SWT1: variants seen among roughly 807,000 people sequenced by gnomAD.
SWT1 encodes SWT1 RNA endoribonuclease homolog, also known as transcriptional protein SWT1.
SWT1 carries 33 observed loss-of-function variants against 107.3 expected under a neutral mutation model. That is an observed-to-expected ratio of 0.31 (90% CI 0.23 to 0.41). The LOEUF is 0.41. SWT1 is among the 10% of genes least tolerant of loss of function. SWT1 has a pLI of 1.00. For missense variants in SWT1, 898 were observed against 1,028.9 expected (o/e 0.87, Z 1.74); for synonymous variants, 345 against 348.3 (o/e 0.99, Z 0.11).
chr1:185,286,713 T>C (rs1239343044), intron 18 of SWT1, among the ~76,000 whole-genome samples: 1 of 152,182 alleles, frequency 6.6e-6, no homozygotes, highest in Non-Finnish European at 1.5e-5. Flanking sequence ...TAGCAGTTAT[T>C]TTGTGACTTC....
chr1:185,160,558 C>T (rs1454431102), intron 1 of SWT1, among the ~76,000 whole-genome samples: 2 of 151,826 alleles, frequency 1.3e-5, no homozygotes, highest in Non-Finnish European at 2.9e-5. Flanking sequence ...AAAAATTAGC[C>T]GGGCATGGTG....
chr1:185,213,214 C>T (rs1658963936), intron 13 of SWT1, among the ~76,000 whole-genome samples: 1 of 151,940 alleles, frequency 6.6e-6, no homozygotes. Flanking sequence ...GGAAAAGCAC[C>T]CTTAAAAGAA....
chr1:185,184,366 AG>A, intron 8 of SWT1, 22 bp downstream of exon 8: 1 of 1,352,666 alleles, frequency 7.4e-7, no homozygotes, highest in Non-Finnish European at 1.0e-6. Flanking sequence ...ACATATTTAA[AG>A]ATTCTGATTT....
At chr1:185,203,646 C>T (rs1658070654) in intron 11 of SWT1, among the ~76,000 whole-genome samples, 1 of 150,640 alleles carries the variant, frequency 6.6e-6, no homozygotes, top group Admixed American at 6.6e-5. Context: ...AAAGTAAGGA[C>T]AATACTATTA....
In SWT1 at chr1:185,269,373, GT is replaced by G. The variant is rs59417358; in HGVS notation, c.2442-1935del. On this transcript the variant is annotated intron_variant, in intron 16 of 18. Transcript: ENST00000367500. Reference sequence around the variant, plus strand: ...TTTTTTGGAGGGTTAAGAGGTTTTTGTTTTTTTTTTTTTTTGTATTTTAAAA... The same window carrying G: ...TTTTTTGGAGGGTTAAGAGGTTTTTGTTTTTTTTTTTTTTGTATTTTAAAA... Among the ~76,000 whole-genome samples, 396 of 125,286 alleles carry G rather than the reference GT, an allele frequency of 3.2e-3. 1 individual carries two copies. The highest frequency in any genetic ancestry group is 9.2e-3 in the African/African-American group (317 of 34,466). The allele number at this position is 125,286 out of a possible 152,430, so 82.2% of individuals were successfully genotyped here.
chr1:185,163,814 A>G (rs1158307778), intron 2 of SWT1, among the ~76,000 whole-genome samples: 1 of 152,206 alleles, frequency 6.6e-6, no homozygotes, highest in Non-Finnish European at 1.5e-5. Flanking sequence ...AAAGTCATTC[A>G]TGAGGTTTGG....
At chr1:185,229,463 T>A (rs1660340872) in intron 15 of SWT1, among the ~76,000 whole-genome samples, 1 of 152,080 alleles carries the variant, frequency 6.6e-6, no homozygotes, top group Non-Finnish European at 1.5e-5. Context: ...GAACTTTTAG[T>A]GTCCTCATCC....
intron 11 of SWT1, among the ~76,000 whole-genome samples, chr1:185,203,605 G>C (rs1658064641): frequency 6.9e-6 from 1 of 144,946 alleles, no homozygotes; most frequent in Admixed American, 6.9e-5. Context: ...TGGGCAACAA[G>C]AGCAAAACTC....
chr1:185,174,901 G>A lies in SWT1; in HGVS notation c.754G>A (p.Val252Ile). 1.2e-6 allele frequency: 2 copies of A among 1,613,946 alleles called. No individual in the cohort carries two copies. Among genetic ancestry groups the A allele is most frequent in the African/African-American group, 1.3e-5 (1 of 75,032 alleles). The change falls in exon 5 of 19, where the codon GTC (valine) becomes ATC (isoleucine). Residue 252 changes from valine to isoleucine, a missense_variant. Transcript: ENST00000367500. ...CCTCCAGAAACTTGTAGAAGAAAAT[G>A]TCTTCAACATAGATTCTAATAATTC... ...DTLQKLVEENVFNIDSNNSKT... is the reference protein window; with the variant it reads ...DTLQKLVEENIFNIDSNNSKT...
intron 10 of SWT1, among the ~76,000 whole-genome samples, chr1:185,197,331 TA>T (rs1300616699): frequency 6.6e-6 from 1 of 152,234 alleles, no homozygotes; most frequent in Non-Finnish European, 1.5e-5. Context: ...TCATGGTGGA[TA>T]AGCTTTTTGA....
intron 17 of SWT1, among the ~76,000 whole-genome samples, chr1:185,273,526 C>A (rs780847024): frequency 1.3e-5 from 2 of 151,892 alleles, no homozygotes; most frequent in Non-Finnish European, 2.9e-5. Context: ...CATAGTGAAA[C>A]CCCGTCTCTA....
intron 16 of SWT1, among the ~76,000 whole-genome samples, chr1:185,268,539 G>A (rs1377457191): frequency 1.3e-5 from 2 of 152,086 alleles, no homozygotes; most frequent in Non-Finnish European, 2.9e-5. Context: ...GTATCCAGGG[G>A]CCCAGGTCTC....
At chr1:185,246,621 A>C (rs1197206504) in intron 16 of SWT1, among the ~76,000 whole-genome samples, 1 of 95,100 alleles carries the variant, frequency 1.1e-5, no homozygotes, top group Non-Finnish European at 2.1e-5. Context: ...TATTTTGGAG[A>C]GCTTTTTTTT....
chr1:185,267,523 A>T (rs1271674317), intron 16 of SWT1, among the ~76,000 whole-genome samples: 2 of 152,224 alleles, frequency 1.3e-5, no homozygotes. Flanking sequence ...CTGCTTCAAC[A>T]TCTGTTCCCC....
chr1:185,212,664 G>A (rs752587572), intron 13 of SWT1, among the ~76,000 whole-genome samples: 7 of 152,008 alleles, frequency 4.6e-5, no homozygotes, highest in Admixed American at 2.0e-4. Flanking sequence ...ATAGCTGGGC[G>A]TGGTGGTGGG....
rs913592955 is a variant in SWT1 at position 185,241,564 on chromosome 1, A to AATTTTATTTTT, written c.2441+9857_2441+9867dup. 7.2e-5 allele frequency among the ~76,000 whole-genome samples: 11 copies of AATTTTATTTTT among 152,234 alleles called. No individual in the cohort carries two copies. In the East Asian group the frequency reaches 1.9e-3, roughly 27 times the overall value. ...TTCATGCCACCATTTTGTAAAAAATAATTTTATTTTTTATAATTTATTTTA... is the reference window on the plus strand; with the variant it reads ...TTCATGCCACCATTTTGTAAAAAATAATTTTATTTTTATTTTATTTTTTATAATTTATTTTA... On this transcript the variant is annotated intron_variant, in intron 16 of 18. Coordinates refer to ENST00000367500, the MANE Select transcript of SWT1 (RefSeq NM_017673.7).
At chr1:185,276,574 T>G (rs1475613482) in intron 17 of SWT1, 30 bp from the exon 18 acceptor site, 24 of 1,367,050 alleles carry the variant, frequency 1.8e-5, no homozygotes, top group Non-Finnish European at 2.5e-5. Context: ...TAATATATAT[T>G]TTTAATAACT....
chr1:185,161,311 A>G (rs1235915614), intron 2 of SWT1, among the ~76,000 whole-genome samples: 1 of 152,146 alleles, frequency 6.6e-6, no homozygotes, highest in Non-Finnish European at 1.5e-5. Flanking sequence ...CTAGGATTGC[A>G]TTCTTATCAG....
At chr1:185,176,916 G>A (rs563351711) in intron 5 of SWT1, 2 of 542,794 alleles carry the variant, frequency 3.7e-6, no homozygotes, top group African/African-American at 2.1e-5. Flanking sequence ...CCTGGGAGGC[G>A]GCCCTTGCAG....
Sources: allele counts gnomAD v4.1 joint callset (sites outside exome capture counted in the v4.1 genomes callset), GRCh38; gene constraint gnomAD v4.1.1; transcripts MANE v1.5; gene names NCBI Gene and HGNC (gene_info 2026-07-23, HGNC 2026-07-21).